The following SCUBE3 variants were observed in gnomAD, a reference collection of about 807,000 sequenced individuals.
SCUBE3 encodes signal peptide, CUB domain and EGF like domain containing 3.
In SCUBE3, 33 loss-of-function variants were observed where a neutral mutation model predicts 116.8. The ratio of observed to expected loss-of-function variants is 0.28; its 90% confidence interval spans 0.21 to 0.38. The LOEUF is 0.38. Ranked by LOEUF, SCUBE3 falls within the 10% of genes least tolerant of loss-of-function variation. The pLI is 1.00. For missense variants in SCUBE3, 1,007 were observed against 1,324.8 expected, an observed-to-expected ratio of 0.76 and a Z score of 3.72; for synonymous variants, 418 against 496.9, an observed-to-expected ratio of 0.84 and a Z score of 2.11.
At chr6:35,217,592 CT>C (rs1171878607) in intron 1 of SCUBE3, among the ~76,000 whole-genome samples, 1 of 152,048 alleles carries the variant, frequency 6.6e-6, no homozygotes. Context: ...TTCTCTTCCT[CT>C]TTAATGTGGC....
At chr6:35,242,430 C>G (rs1444438050) in intron 13 of SCUBE3, 110 bp downstream of exon 13, 12 of 960,992 alleles carry the variant, frequency 1.2e-5, no homozygotes, top group Non-Finnish European at 2.0e-5. Context: ...CTAGGCAGAG[C>G]AGAGGAAAAA....
chr6:35,222,562 A>G (rs1783156008), intron 1 of SCUBE3: 1 of 152,220 alleles, frequency 6.6e-6, no homozygotes, highest in Non-Finnish European at 1.5e-5. Flanking sequence ...TGGCTTGTCT[A>G]TGGTATCTGT....
chr6:35,228,647 G>A lies in SCUBE3; in HGVS notation c.242G>A (p.Gly81Asp), dbSNP rs1165165802. 6.2e-7 allele frequency: 1 copy of A among 1,613,920 alleles called. No individual in the cohort carries two copies. The highest frequency in any genetic ancestry group is 8.5e-7 in the Non-Finnish European group (1 of 1,179,892). ...VDECEREDNAGCVHDCVNIPG... is the reference protein window; with the variant it reads ...VDECEREDNADCVHDCVNIPG... ...GAGTGCGAGCGAGAGGATAATGCAG[G>A]TTGTGTGCATGACTGTGTCAACATC... is the stretch of plus-strand genomic sequence containing the variant. Residue 81 changes from glycine (G) to aspartate (D), a missense_variant, in exon 3 of 22, where the codon GGT (glycine) becomes GAT (aspartate). Transcript: ENST00000274938. This position sits in a 1 kb window ranked among gnomAD's most constrained non-coding sequence, Gnocchi z 4.9.
intron 1 of SCUBE3, chr6:35,220,866 C>T (rs1783095876): frequency 6.6e-6 from 1 of 152,228 alleles, no homozygotes; most frequent in African/African-American, 2.4e-5. Flanking sequence ...TACCCTCATC[C>T]TTGCATAAGC....
At position 35,244,523 on chromosome 6, in the gene SCUBE3, C is replaced by A; in HGVS notation, c.2240-127C>A. 1 of 789,274 alleles carries A rather than the reference C, an allele frequency of 1.3e-6. No homozygotes were observed. The highest frequency in any genetic ancestry group is 2.1e-6 in the Non-Finnish European group (1 of 475,182). The allele number at this position is 789,274 out of a possible 1,614,324, so 48.9% of individuals were successfully genotyped here. A position where few individuals can be genotyped will look rare whatever the true frequency, so the allele number is the denominator to read the frequency against. On this transcript the variant is annotated intron_variant, in intron 17 of 21. Transcript: ENST00000274938. The surrounding 1 kb of genome is among the most constrained non-coding windows in gnomAD (Gnocchi z 4.3). ...CTGGCATGACTGGGAAAGATTGAGA[C>A]CCTAGAAAAGAACTTTGATGTATCT...
At chr6:35,246,746 C>T (rs368174112) in intron 21 of SCUBE3, among the ~76,000 whole-genome samples, 252 of 152,296 alleles carry the variant, frequency 1.7e-3, no homozygotes, top group African/African-American at 5.6e-3. Context: ...GAGGCCGAGG[C>T]GGGTGGATCA....
chr6:35,245,220 G>C lies in SCUBE3; in HGVS notation c.2402-8G>C. 1 of 1,614,024 alleles carries C rather than the reference G, an allele frequency of 6.2e-7. No homozygotes were observed. Among genetic ancestry groups the C allele is most frequent in the Non-Finnish European group, 8.5e-7 (1 of 1,179,890 alleles). ...TGTCTTGTTTTATCCACTGGGGTTT[G>C]GCTGCAGATCGTCAGTGTGGTGGGG... On this transcript the variant is annotated splice_polypyrimidine_tract_variant and splice_region_variant and intron_variant, in intron 18 of 21. Transcript: ENST00000274938. This position sits in a 1 kb window ranked among gnomAD's most constrained non-coding sequence, Gnocchi z 4.2.
At position 35,233,145 on chromosome 6, in the gene SCUBE3, G is replaced by C; in HGVS notation, c.596-40G>C. On this transcript the variant is annotated intron_variant, in intron 5 of 21. Coordinates refer to ENST00000274938, the MANE Select transcript of SCUBE3 (RefSeq NM_152753.4). The surrounding 1 kb of genome is among the most constrained non-coding windows in gnomAD (Gnocchi z 5.7). ...CATTGTGGAAAACTGTGGATGCAGG[G>C]AGGAGCAAGCTGACAGGGCCCTGTC... 6.5e-7 allele frequency: 1 copy of C among 1,540,384 alleles called. No homozygotes were observed. Among genetic ancestry groups the C allele is most frequent in the Non-Finnish European group, 9.0e-7 (1 of 1,114,882 alleles).
At position 35,240,071 on chromosome 6, in the gene SCUBE3, A is replaced by G. The variant is rs1415202244; in HGVS notation, c.952+197A>G. ...TCCATATCAAAGCATTCAGCCTGGC[A>G]AGGACTGAGGGATGGATTTCACCCC... On this transcript the variant is annotated intron_variant, in intron 8 of 21. Coordinates refer to ENST00000274938, the MANE Select transcript of SCUBE3 (RefSeq NM_152753.4). The surrounding 1 kb of genome is among the most constrained non-coding windows in gnomAD (Gnocchi z 4.6). Among the ~76,000 whole-genome samples the G allele has an allele frequency of 1.3e-5, 2 of 152,206 alleles. No homozygotes were observed. Among genetic ancestry groups the G allele is most frequent in the African/African-American group, 2.4e-5 (1 of 41,452 alleles).
chr6:35,216,864 G>A (rs192406647), intron 1 of SCUBE3, among the ~76,000 whole-genome samples: 1 of 152,188 alleles, frequency 6.6e-6, no homozygotes, highest in East Asian at 1.9e-4. Context: ...AAAGTCATGT[G>A]GAAGGGGGGA....
At position 35,243,657 on chromosome 6, in the gene SCUBE3, G is replaced by A. The variant is rs1164701726; in HGVS notation, c.1973G>A (p.Gly658Asp). The change falls in exon 16 of 22, where the codon GGC becomes GAC. Residue 658 changes from glycine to aspartate, a missense_variant. Around this residue, in one of 5 missense-constraint regions of SCUBE3, gnomAD observed 544 missense variants for 638.9 expected, o/e 0.85. Coordinates refer to ENST00000274938, the MANE Select transcript of SCUBE3 (RefSeq NM_152753.4). This position sits in a 1 kb window ranked among gnomAD's most constrained non-coding sequence, Gnocchi z 6.6. The stretch of plus-strand genomic sequence containing the variant: ...GAGCAGTGTGTGCCATGCCCAGCGG[G>A]CACCTTCCAGGAGAGAGAAGGGCAG... ...QTEQCVPCPA[G>D]TFQEREGQLS... 1.2e-6 allele frequency: 2 copies of A among 1,614,076 alleles called. No homozygotes were observed. Among genetic ancestry groups the A allele is most frequent in the East Asian group, 4.5e-5 (2 of 44,872 alleles).
chr6:35,241,127 A>T lies in SCUBE3; in HGVS notation c.1070-14A>T. On this transcript the variant is annotated splice_polypyrimidine_tract_variant and intron_variant, in intron 9 of 21. Coordinates refer to ENST00000274938, the MANE Select transcript of SCUBE3 (RefSeq NM_152753.4). The surrounding 1 kb of genome is among the most constrained non-coding windows in gnomAD (Gnocchi z 4.1). ...TCCATCGTTGTTTTTCTGTCTCCCT[A>T]CTCCTTCCCCCAGATGTGGATGAAT... 6.3e-7 allele frequency: 1 copy of T among 1,579,746 alleles called. No homozygotes were observed. The highest frequency in any genetic ancestry group is 8.7e-7 in the Non-Finnish European group (1 of 1,154,954).
At position 35,232,354 on chromosome 6, in the gene SCUBE3, C is replaced by T. The variant is rs1245949874; in HGVS notation, c.469+495C>T. Reference sequence around the variant, plus strand: ...CCCCAGCACCTAACATACTGCCCTGCGTGTAGTGAGAGTTTAATAAATGTT... The same window carrying T: ...CCCCAGCACCTAACATACTGCCCTGTGTGTAGTGAGAGTTTAATAAATGTT... On this transcript the variant is annotated intron_variant, in intron 4 of 21. Coordinates refer to ENST00000274938, the MANE Select transcript of SCUBE3 (RefSeq NM_152753.4). This position sits in a 1 kb window ranked among gnomAD's most constrained non-coding sequence, Gnocchi z 4.2. Among the ~76,000 whole-genome samples, 3 of 152,090 alleles carry T rather than the reference C, an allele frequency of 2.0e-5. No individual in the cohort carries two copies. Among genetic ancestry groups the T allele is most frequent in the Non-Finnish European group, 4.4e-5 (3 of 68,012 alleles).
chr6:35,218,005 T>A (rs1233589356), intron 1 of SCUBE3: 2 of 290,462 alleles, frequency 6.9e-6, no homozygotes, highest in East Asian at 1.7e-4. Flanking sequence ...TCTCTTTGAG[T>A]CTCTGCAGGG....
chr6:35,248,494 T>G, intron 21 of SCUBE3, 62 bp from the exon 22 acceptor site: 1 of 1,514,236 alleles, frequency 6.6e-7, no homozygotes, highest in Non-Finnish European at 9.2e-7. Context: ...TGCTGAGTCA[T>G]GGTGTTTCTC....
intron 2 of SCUBE3, 126 bp downstream of exon 2, chr6:35,227,828 G>C (rs934420792): frequency 3.4e-5 from 34 of 1,001,016 alleles, no homozygotes; most frequent in Non-Finnish European, 5.0e-5. Context: ...TGGTGGGGGG[G>C]TGGTGAGGGG....
chr6:35,214,460 G>GC lies in SCUBE3; in HGVS notation c.43dup (p.Leu15ProfsTer18). ...TACCCGGGCTCTGCCTGCTTGTCCT[G>GC]CTGGTCCACGCCCGCGCCGCCCAGT... On this transcript the variant is annotated frameshift_variant, in exon 1 of 22. Coordinates refer to ENST00000274938, the MANE Select transcript of SCUBE3 (RefSeq NM_152753.4). LOFTEE classifies it high-confidence loss of function. This position sits in a 1 kb window ranked among gnomAD's most constrained non-coding sequence, Gnocchi z 6.3. 6.6e-7 allele frequency: 1 copy of GC among 1,509,692 alleles called. No homozygotes were observed. 93.5% of individuals were successfully genotyped at this position (1,509,692 alleles called of 1,614,324 possible). A position where few individuals can be genotyped will look rare whatever the true frequency, so the allele number is the denominator to read the frequency against.
chr6:35,242,568 G>C, intron 13 of SCUBE3, 54 bp from the exon 14 acceptor site: 1 of 1,534,604 alleles, frequency 6.5e-7, no homozygotes, highest in East Asian at 2.3e-5. Flanking sequence ...GTCTGGGCTG[G>C]GAGTGAGAAC....
Position 35,214,293 on chromosome 6 carries a change from CCCCCGGCCTGG to C in SCUBE3, c.-118_-108del. On this transcript the variant is annotated 5_prime_UTR_variant, in exon 1 of 22. Coordinates refer to ENST00000274938, the MANE Select transcript of SCUBE3 (RefSeq NM_152753.4). This position sits in a 1 kb window ranked among gnomAD's most constrained non-coding sequence, Gnocchi z 6.3. ...CGCGGTCCGCGCCCCGCGACTGCAG[CCCCCGGCCTGG>C]CCCCGGCGGGGCGCCCCCTCCCCTC... 2.3e-6 allele frequency: 1 copy of C among 429,274 alleles called. No individual in the cohort carries two copies. Among genetic ancestry groups the C allele is most frequent in the East Asian group, 4.2e-5 (1 of 24,082 alleles). 26.6% of individuals were successfully genotyped at this position (429,274 alleles called of 1,614,324 possible). A position where few individuals can be genotyped will look rare whatever the true frequency, so the allele number is the denominator to read the frequency against.
Sources: gnomAD v4.1 joint callset for allele counts (sites outside exome capture counted in the v4.1 genomes callset) on GRCh38, gnomAD v4.1.1 for gene constraint, gnomAD v4.1.1 regional missense constraint, Gnocchi (gnomAD v3.1) non-coding constraint, MANE v1.5 for transcripts, NCBI Gene and HGNC (gene_info 2026-07-23, HGNC 2026-07-21) for gene names.